SEMA3A: variants seen among roughly 807,000 people sequenced by gnomAD.
SEMA3A encodes semaphorin-3A.
Under a neutral mutation model 97.9 loss-of-function variants are expected in SEMA3A, and 29 were observed. That is an observed-to-expected ratio of 0.30 (90% CI 0.22 to 0.40). The LOEUF is 0.40. Among genes scored for constraint, SEMA3A ranks in the 10% least tolerant of loss-of-function variants. SEMA3A has a pLI of 1.00. For missense variants in SEMA3A, 763 were observed against 951.3 expected (o/e 0.80, Z 2.60); for synonymous variants, 321 against 323.7 (o/e 0.99, Z 0.09).
chr7:84,378,905 T>TTTG (rs71078825), intron 1 of SEMA3A, among the ~76,000 whole-genome samples: 25,945 of 145,562 alleles, frequency 0.18, 2,354 homozygotes, highest in Middle Eastern at 0.22. Context: ...CATATATATT[T>TTTG]TTGTTGTTGT....
chr7:84,386,098 C>T (rs1803387694), intron 1 of SEMA3A, among the ~76,000 whole-genome samples: 1 of 152,196 alleles, frequency 6.6e-6, no homozygotes, highest in African/African-American at 2.4e-5. Context: ...AGTTCTCTCT[C>T]TGTTTGCTCA....
chr7:84,307,632 T>C (rs1293175113), intron 2 of SEMA3A, among the ~76,000 whole-genome samples: 1 of 152,160 alleles, frequency 6.6e-6, no homozygotes, highest in African/African-American at 2.4e-5. Flanking sequence ...CTCTATTGAT[T>C]TGCCCATAAT....
rs376681373 is a variant in SEMA3A at position 84,307,937 on chromosome 7, A to G, written c.-168-645T>C. 2.6e-5 allele frequency among the ~76,000 whole-genome samples: 4 copies of G among 152,146 alleles called. No individual in the cohort carries two copies. The East Asian group carries it at 5.8e-4, about 22-fold the overall frequency. ...ATTTCATAGTTGAATAAATAATGTA[A>G]ATAACTTAGAAAAGAAAATAAAGAC... On this transcript the variant is annotated intron_variant, in intron 2 of 3. Coordinates refer to the SEMA3A transcript ENST00000424555.
At chr7:84,206,568 C>T (rs886796544) in intron 3 of SEMA3A, among the ~76,000 whole-genome samples, 3 of 151,970 alleles carry the variant, frequency 2.0e-5, no homozygotes, top group Non-Finnish European at 4.4e-5. Flanking sequence ...GTGATCCGCC[C>T]GCCTCGGCCT....
intron 4 of SEMA3A, among the ~76,000 whole-genome samples, chr7:84,063,042 G>A (rs1314686561): frequency 1.3e-5 from 2 of 151,920 alleles, no homozygotes; most frequent in Admixed American, 1.3e-4. Flanking sequence ...GAAGAGAGCA[G>A]TGGTTCTCCC....
At chr7:84,352,684 T>C (rs1802466449) in intron 2 of SEMA3A, among the ~76,000 whole-genome samples, 1 of 151,910 alleles carries the variant, frequency 6.6e-6, no homozygotes, top group South Asian at 2.1e-4. Context: ...GGCCGTAGAA[T>C]GTCTCAGGTA....
At chr7:83,962,765 TCTA>T (rs1435961263) in intron 16 of SEMA3A, among the ~76,000 whole-genome samples, 1 of 152,116 alleles carries the variant, frequency 6.6e-6, no homozygotes, top group Non-Finnish European at 1.5e-5. Flanking sequence ...TCACCCTACA[TCTA>T]CTACTATCTT....
At chr7:84,315,264 G>C (rs1401593028) in intron 2 of SEMA3A, among the ~76,000 whole-genome samples, 2 of 152,068 alleles carry the variant, frequency 1.3e-5, no homozygotes, top group African/African-American at 4.8e-5. Flanking sequence ...TTCTCCTCCA[G>C]ATTTTTTTAA....
At chr7:84,308,278 T>TA (rs1801216620) in intron 2 of SEMA3A, among the ~76,000 whole-genome samples, 1 of 152,166 alleles carries the variant, frequency 6.6e-6, no homozygotes, top group Admixed American at 6.6e-5. Flanking sequence ...TAGGATTAGA[T>TA]AAAATTTAGT....
At chr7:84,401,044 T>C (rs1803887622) in intron 1 of SEMA3A, among the ~76,000 whole-genome samples, 1 of 152,068 alleles carries the variant, frequency 6.6e-6, no homozygotes, top group African/African-American at 2.4e-5. Context: ...GAGAAAGAAA[T>C]AAAGGGCATT....
chr7:84,225,451 T>G (rs1399247259), intron 3 of SEMA3A, among the ~76,000 whole-genome samples: 1 of 152,072 alleles, frequency 6.6e-6, no homozygotes, highest in African/African-American at 2.4e-5. Flanking sequence ...GCGTGACCCA[T>G]ACGAAAGTAA....
At chr7:84,049,459 C>A (rs933190241) in intron 5 of SEMA3A, among the ~76,000 whole-genome samples, 2 of 152,078 alleles carry the variant, frequency 1.3e-5, no homozygotes, top group Non-Finnish European at 2.9e-5. Flanking sequence ...ATTCTACCTT[C>A]TCTTATTTCT....
chr7:83,966,775 G>C (rs1352841199), intron 15 of SEMA3A, among the ~76,000 whole-genome samples: 6 of 151,554 alleles, frequency 4.0e-5, no homozygotes. Context: ...GCAATGGCGT[G>C]ATCTCGGCTC....
intron 1 of SEMA3A, among the ~76,000 whole-genome samples, chr7:84,142,002 C>T (rs1366984184): frequency 6.6e-6 from 1 of 152,186 alleles, no homozygotes; most frequent in Non-Finnish European, 1.5e-5. Flanking sequence ...CTAGACCCCA[C>T]ACAAGACACA....
At chr7:84,143,950 A>ACACAC (rs1796387775) in intron 1 of SEMA3A, among the ~76,000 whole-genome samples, 18 of 94,640 alleles carry the variant, frequency 1.9e-4, no homozygotes, top group East Asian at 3.4e-4. Flanking sequence ...CTCTCTCTCT[A>ACACAC]ACACACACAC....
At chr7:84,076,602 T>G (rs1793959581) in intron 4 of SEMA3A, among the ~76,000 whole-genome samples, 1 of 152,186 alleles carries the variant, frequency 6.6e-6, no homozygotes, top group Admixed American at 6.5e-5. Context: ...TCACCTGAAC[T>G]GAATTTACCA....
chr7:84,282,145 C>G (rs1800453132), intron 3 of SEMA3A, among the ~76,000 whole-genome samples: 1 of 152,110 alleles, frequency 6.6e-6, no homozygotes, highest in Admixed American at 6.6e-5. Flanking sequence ...ACAACATCAT[C>G]CTTTTTGGAA....
In SEMA3A at chr7:84,086,706, T is replaced by C. The variant is rs978132539; in HGVS notation, c.453+23764A>G. Among the ~76,000 whole-genome samples the C allele has an allele frequency of 2.0e-5, 3 of 148,458 alleles. No individual in the cohort carries two copies. In the East Asian group the frequency reaches 5.8e-4, roughly 29 times the overall value. On this transcript the variant is annotated intron_variant, in intron 4 of 16. Transcript: ENST00000265362. Reference sequence around the variant, plus strand: ...GGAATATATGTATATATATGGAACATCATATATATGTATACATATATATGT... The same window carrying C: ...GGAATATATGTATATATATGGAACACCATATATATGTATACATATATATGT...
intron 4 of SEMA3A, among the ~76,000 whole-genome samples, chr7:84,066,652 G>C (rs1317836503): frequency 6.7e-6 from 1 of 150,076 alleles, no homozygotes; most frequent in Non-Finnish European, 1.5e-5. Flanking sequence ...GCCAAATCAT[G>C]AGTGAACTCC....
Sources: gnomAD v4.1 joint callset for allele counts (sites outside exome capture counted in the v4.1 genomes callset) on GRCh38, gnomAD v4.1.1 for gene constraint, MANE v1.5 for transcripts, NCBI Gene and HGNC (gene_info 2026-07-23, HGNC 2026-07-21) for gene names.